RASL10B: variants seen among roughly 807,000 people sequenced by gnomAD.
RASL10B encodes RAS like family 10 member B.
RASL10B carries 10 observed loss-of-function variants against 20.7 expected under a neutral mutation model. That is an observed-to-expected ratio of 0.48 (90% CI 0.30 to 0.82). The LOEUF is 0.82. RASL10B is among the 40% of genes least tolerant of loss of function. The pLI is 0.07. For synonymous variants in RASL10B, 110 were observed against 123.3 expected (o/e 0.89, Z 0.72); for missense variants, 231 against 295.4 (o/e 0.78, Z 1.60).
At chr17:35,732,385 A>C (rs1167592493) in intron 1 of RASL10B, among the ~76,000 whole-genome samples, 4 of 152,092 alleles carry the variant, frequency 2.6e-5, no homozygotes, top group Non-Finnish European at 2.9e-5. Flanking sequence ...CTGTCTGCAG[A>C]CTCACTGCAG....
At chr17:35,733,956 G>C (rs1172457787) in intron 1 of RASL10B, among the ~76,000 whole-genome samples, 2 of 152,220 alleles carry the variant, frequency 1.3e-5, no homozygotes, top group Non-Finnish European at 2.9e-5. Context: ...GGGGATGCCA[G>C]AGAATCAGAC....
chr17:35,732,388 CACTGCAGA>C (rs1195024318), intron 1 of RASL10B, among the ~76,000 whole-genome samples: 1 of 152,222 alleles, frequency 6.6e-6, no homozygotes, highest in Non-Finnish European at 1.5e-5. Context: ...TCTGCAGACT[CACTGCAGA>C]GCGCAGGCCT....
At chr17:35,734,405 C>G (rs1401910980) in intron 1 of RASL10B, among the ~76,000 whole-genome samples, 1 of 152,096 alleles carries the variant, frequency 6.6e-6, no homozygotes, top group Non-Finnish European at 1.5e-5. Context: ...TCGTACTGAC[C>G]AAGGATAACC....
At chr17:35,734,893 T>G in intron 1 of RASL10B, 145 bp from the exon 2 acceptor site, 10 of 477,490 alleles carry the variant, frequency 2.1e-5, no homozygotes, top group East Asian at 3.5e-5. Flanking sequence ...GATGGAGAGG[T>G]TTTGGAAAGG....
rs587695324 is a variant in RASL10B at position 35,732,923 on chromosome 17, C to A, written c.-148+1045C>A. 3.3e-5 allele frequency among the ~76,000 whole-genome samples: 5 copies of A among 152,158 alleles called. No individual in the cohort carries two copies. The South Asian group carries it at 8.3e-4, about 25-fold the overall frequency. On this transcript the variant is annotated intron_variant, in intron 1 of 3. Transcript: ENST00000603017. ...CAGGGATGCCTAAGGGGCTTCGGGA[C>A]CTGGAGGGACACATGGGGAGGAGGG...
Position 35,741,245 on chromosome 17 carries a change from C to G in RASL10B, c.552C>G (p.His184Gln), listed in dbSNP as rs372399611. ...LKSVGCARCK[H>Q]VHAALRFQGA... Reference sequence around the variant, plus strand: ...GCGTCGGCTGCGCCCGTTGCAAGCACGTGCACGCTGCCCTGCGCTTCCAGG... The same window carrying G: ...GCGTCGGCTGCGCCCGTTGCAAGCAGGTGCACGCTGCCCTGCGCTTCCAGG... Residue 184 changes from histidine to glutamine, a missense_variant, in exon 4 of 4, where the codon CAC becomes CAG. His to Gln is a conservative substitution (Grantham distance 24, BLOSUM62 0). Transcript: ENST00000603017. 1.9e-6 allele frequency: 3 copies of G among 1,593,418 alleles called. No individual in the cohort carries two copies. In the African/African-American group the frequency reaches 4.0e-5, roughly 21 times the overall value.
chr17:35,734,834 C>A (rs1490542645), intron 1 of RASL10B, among the ~76,000 whole-genome samples: 1 of 152,000 alleles, frequency 6.6e-6, no homozygotes, highest in East Asian at 1.9e-4. Context: ...AGTCATAAGT[C>A]AAGAAAGATT....
In RASL10B at chr17:35,735,093, T is replaced by C; in HGVS notation, c.-92T>C. 3.0e-6 allele frequency: 4 copies of C among 1,333,346 alleles called. No individual in the cohort carries two copies. The highest frequency in any genetic ancestry group is 3.1e-6 in the Non-Finnish European group (3 of 952,926). 82.6% of individuals were successfully genotyped at this position (1,333,346 alleles called of 1,614,324 possible). ...AAGCAGAGGCAGCAATGGTTGGTCC[T>C]GACGGTGGCTGAGCCCCCAGCCCCT... On this transcript the variant is annotated 5_prime_UTR_variant, in exon 2 of 4. Transcript: ENST00000603017. This position sits in a 1 kb window ranked among gnomAD's most constrained non-coding sequence, Gnocchi z 6.7.
rs1555597072 is a variant in RASL10B, at chr17:35,735,419, G to C, written c.216+19G>C. On this transcript the variant is annotated intron_variant, in intron 2 of 3. Transcript: ENST00000603017. The surrounding 1 kb of genome is among the most constrained non-coding windows in gnomAD (Gnocchi z 6.7). The stretch of plus-strand genomic sequence containing the variant: ...GCTCCAGGTAGGAGGACCCTGGGGG[G>C]CATGGGTTAGTGGGGAAACGGATGG... The C allele has an allele frequency of 6.2e-7, 1 of 1,611,336 alleles. No homozygotes were observed. The highest frequency in any genetic ancestry group is 1.3e-5 in the African/African-American group (1 of 75,004).
chr17:35,741,433 C>T lies in RASL10B; in HGVS notation c.*128C>T. 2.3e-6 allele frequency: 3 copies of T among 1,288,318 alleles called. No homozygotes were observed. The highest frequency in any genetic ancestry group is 4.0e-5 in the Admixed American group (1 of 25,140). 79.8% of individuals were successfully genotyped at this position (1,288,318 alleles called of 1,614,324 possible). A position where few individuals can be genotyped will look rare whatever the true frequency, so the allele number is the denominator to read the frequency against. On this transcript the variant is annotated 3_prime_UTR_variant, in exon 4 of 4. Transcript: ENST00000603017. ...TCCCGGCCTGAGGCCCCTGCAGCCA[C>T]GCACCTCCCGGTGAGAAGCAGAGCG...
intron 1 of RASL10B, among the ~76,000 whole-genome samples, chr17:35,734,043 C>G (rs1299806930): frequency 6.6e-6 from 1 of 152,188 alleles, no homozygotes; most frequent in Non-Finnish European, 1.5e-5. Flanking sequence ...GCCTGTAATC[C>G]CAGCACTTTG....
chr17:35,740,621 CAGAT>C (rs2085623342), intron 3 of RASL10B, 88 bp downstream of exon 3: 1 of 1,443,734 alleles, frequency 6.9e-7, no homozygotes, highest in Admixed American at 1.8e-5. Flanking sequence ...TATAGGGACA[CAGAT>C]AGAGGTATAT....
rs1555596355 is a variant in RASL10B at position 35,731,661 on chromosome 17, CG to C, written c.-364del. ...CTCCTTCCAGCGCGAGCAGGCGGCG[CG>C]CTCCGGAGGGAGAGCTGGGGCTGGA... On this transcript the variant is annotated 5_prime_UTR_variant, in exon 1 of 4. Coordinates refer to ENST00000603017, the MANE Select transcript of RASL10B (RefSeq NM_033315.4). The C allele has an allele frequency of 2.0e-5, 3 of 152,272 alleles. No individual in the cohort carries two copies. Among genetic ancestry groups the C allele is most frequent in the Non-Finnish European group, 4.4e-5 (3 of 68,090 alleles). The allele number at this position is 152,272 out of a possible 1,614,324, so 9.4% of individuals were successfully genotyped here.
At chr17:35,740,272 C>G in intron 2 of RASL10B, 137 bp from the exon 3 acceptor site, 1 of 1,113,478 alleles carries the variant, frequency 9.0e-7, no homozygotes, top group Non-Finnish European at 1.3e-6. Context: ...TGGGCCTGGT[C>G]TCCTGGGGAT....
At chr17:35,740,685 T>C (rs2085623600) in intron 3 of RASL10B, 152 bp downstream of exon 3, 2 of 1,039,054 alleles carry the variant, frequency 1.9e-6, no homozygotes, top group East Asian at 5.2e-5. Flanking sequence ...CATTGTGCTG[T>C]TCCCATTTCT....
Position 35,740,990 on chromosome 17 carries a change from G to A in RASL10B, c.342-45G>A, listed in dbSNP as rs200365146. The A allele has an allele frequency of 1.3e-5, 20 of 1,515,756 alleles. No individual in the cohort carries two copies. In the East Asian group the frequency reaches 3.4e-4, roughly 26 times the overall value. 93.9% of individuals were successfully genotyped at this position (1,515,756 alleles called of 1,614,324 possible). On this transcript the variant is annotated intron_variant, in intron 3 of 3. Coordinates refer to ENST00000603017, the MANE Select transcript of RASL10B (RefSeq NM_033315.4). ...AGCCTGCCCTGCTGGGAGTACAGCG[G>A]TTGTGGGGCTGACAGAGTTCTGAGC... is the stretch of plus-strand genomic sequence containing the variant.
chr17:35,732,023 G>A (rs1172412761), intron 1 of RASL10B, 145 bp downstream of exon 1: 1 of 151,748 alleles, frequency 6.6e-6, no homozygotes, highest in Non-Finnish European at 1.5e-5. Context: ...GCGGGCGGGC[G>A]GGGAAGCGGC....
intron 2 of RASL10B, among the ~76,000 whole-genome samples, chr17:35,740,002 G>T (rs966366037): frequency 6.6e-6 from 1 of 152,202 alleles, no homozygotes; most frequent in Admixed American, 6.5e-5. Flanking sequence ...GCTTCTTGGA[G>T]GTGGTGGCAC....
At chr17:35,733,210 C>G (rs1598387601) in intron 1 of RASL10B, among the ~76,000 whole-genome samples, 1 of 152,126 alleles carries the variant, frequency 6.6e-6, no homozygotes, top group Non-Finnish European at 1.5e-5. Context: ...AGCAGCCCCT[C>G]CTGGGATTGC....
Sources: gnomAD v4.1 joint callset for allele counts (sites outside exome capture counted in the v4.1 genomes callset) on GRCh38, gnomAD v4.1.1 for gene constraint, Gnocchi (gnomAD v3.1) non-coding constraint, MANE v1.5 for transcripts, NCBI Gene and HGNC (gene_info 2026-07-23, HGNC 2026-07-21) for gene names.